The following LRMDA variants were observed in gnomAD, a reference collection of about 807,000 sequenced individuals.
LRMDA encodes the protein leucine-rich melanocyte differentiation-associated protein.
In LRMDA, 18 loss-of-function variants were observed where a neutral mutation model predicts 29.8. The ratio of observed to expected loss-of-function variants is 0.60; its 90% CI spans 0.42 to 0.90. The LOEUF (loss-of-function observed/expected upper bound fraction) is 0.90, where lower values mean the gene tolerates loss of function less well. Ranked by LOEUF, LRMDA falls within the 40% of genes least tolerant of loss-of-function variation. The pLI is 0.00. For synonymous variants in LRMDA, 125 were observed against 109.4 expected (o/e 1.14, Z -0.89); for missense variants, 273 against 273.9 (o/e 1.00, Z 0.02).
Position 75,559,788 on chromosome 10 carries a change from G to A in LRMDA, c.131+121294G>A, listed in dbSNP as rs1171788772. On this transcript the variant is annotated intron_variant, in intron 2 of 6. Coordinates refer to ENST00000611255, the MANE Select transcript of LRMDA (RefSeq NM_001305581.2). ...TTCCCAGCACCATTTATTAAATAGG[G>A]AATCGTTTCCCCATTTCTTGTTTTT... is the stretch of plus-strand genomic sequence containing the variant. 2.1e-5 allele frequency among the ~76,000 whole-genome samples: 2 copies of A among 95,978 alleles called. 1 individual carries two copies. The highest frequency in any genetic ancestry group is 5.4e-5 in the Non-Finnish European group (2 of 36,872). 63.0% of individuals were successfully genotyped at this position (95,978 alleles called of 152,430 possible).
intron 2 of LRMDA, among the ~76,000 whole-genome samples, chr10:75,814,103 C>T (rs2132274281): frequency 6.6e-6 from 1 of 152,340 alleles, no homozygotes; most frequent in South Asian, 2.1e-4. Flanking sequence ...ATGATTTATG[C>T]AGGAGGAAGA....
At chr10:75,586,547 A>G (rs1187537517) in intron 2 of LRMDA, among the ~76,000 whole-genome samples, 1 of 151,582 alleles carries the variant, frequency 6.6e-6, no homozygotes, top group African/African-American at 2.4e-5. Context: ...TTCTAGAGAT[A>G]GGGCTTCACC....
chr10:75,797,652 TTG>T (rs1332025635), intron 2 of LRMDA, among the ~76,000 whole-genome samples: 1 of 152,188 alleles, frequency 6.6e-6, no homozygotes, highest in East Asian at 1.9e-4. Context: ...ATATGTGGTG[TTG>T]TGTGTCTGGC....
At chr10:75,963,254 C>T (rs1846799258) in intron 2 of LRMDA, among the ~76,000 whole-genome samples, 1 of 152,198 alleles carries the variant, frequency 6.6e-6, no homozygotes, top group Admixed American at 6.5e-5. Context: ...ATCTGAGCCA[C>T]ACACTGGCCA....
intron 6 of LRMDA, among the ~76,000 whole-genome samples, chr10:76,350,063 T>G (rs1004676778): frequency 3.3e-5 from 5 of 151,882 alleles, no homozygotes; most frequent in Non-Finnish European, 7.4e-5. Flanking sequence ...AGCTTGAAAG[T>G]GCCAAACAAA....
chr10:75,825,929 A>G (rs1844240304), intron 2 of LRMDA, among the ~76,000 whole-genome samples: 1 of 152,192 alleles, frequency 6.6e-6, no homozygotes, highest in Non-Finnish European at 1.5e-5. Flanking sequence ...CAGCGGCTGC[A>G]TGTGGAACGT....
At chr10:75,576,866 A>G (rs1840512351) in intron 2 of LRMDA, among the ~76,000 whole-genome samples, 2 of 152,240 alleles carry the variant, frequency 1.3e-5, no homozygotes, top group Admixed American at 6.5e-5. Context: ...TGTCCACTCA[A>G]AGACCCCAGC....
intron 2 of LRMDA, among the ~76,000 whole-genome samples, chr10:75,534,814 T>C (rs1839927764): frequency 6.6e-6 from 1 of 152,202 alleles, no homozygotes; most frequent in South Asian, 2.1e-4. Flanking sequence ...GAAATAGATA[T>C]GATGTTTCTT....
chr10:76,471,972 A>C (rs1293374765), intron 6 of LRMDA, among the ~76,000 whole-genome samples: 1 of 151,830 alleles, frequency 6.6e-6, no homozygotes, highest in Non-Finnish European at 1.5e-5. Context: ...GCTTTCAACA[A>C]TAATAGTTGT....
intron 6 of LRMDA, among the ~76,000 whole-genome samples, chr10:76,549,097 T>G (rs1386292437): frequency 6.6e-6 from 1 of 152,174 alleles, no homozygotes; most frequent in African/African-American, 2.4e-5. Flanking sequence ...CTCTCTTTCC[T>G]TCCCCACCTC....
chr10:76,553,599 A>T (rs773713505), intron 6 of LRMDA, among the ~76,000 whole-genome samples: 2 of 152,202 alleles, frequency 1.3e-5, no homozygotes, highest in Non-Finnish European at 2.9e-5. Flanking sequence ...AATAACCTTC[A>T]TGATAAATAA....
At chr10:76,031,327 A>G (rs1056177299) in intron 2 of LRMDA, among the ~76,000 whole-genome samples, 1 of 152,198 alleles carries the variant, frequency 6.6e-6, no homozygotes, top group Non-Finnish European at 1.5e-5. Flanking sequence ...GATCTTAGCC[A>G]CATGGCCCCA....
intron 2 of LRMDA, among the ~76,000 whole-genome samples, chr10:75,843,704 T>C (rs1384300735): frequency 1.3e-5 from 2 of 152,228 alleles, no homozygotes; most frequent in Non-Finnish European, 2.9e-5. Context: ...GGGCAAGACA[T>C]GTGCTTGGCA....
intron 2 of LRMDA, among the ~76,000 whole-genome samples, chr10:75,892,031 C>A (rs1222046198): frequency 1.3e-5 from 2 of 152,114 alleles, no homozygotes; most frequent in Middle Eastern, 3.2e-3. Context: ...TGAATGAGAT[C>A]ACTTCATTCC....
intron 5 of LRMDA, among the ~76,000 whole-genome samples, chr10:76,139,691 C>A (rs577030054): frequency 6.6e-6 from 1 of 152,256 alleles, no homozygotes; most frequent in Admixed American, 6.5e-5. Context: ...TCTTCAGTTT[C>A]TTTTGAACTT....
At chr10:75,868,541 C>G (rs943497633) in intron 2 of LRMDA, among the ~76,000 whole-genome samples, 1 of 152,180 alleles carries the variant, frequency 6.6e-6, no homozygotes. Context: ...CTGATTGTTA[C>G]TAGTATTAAA....
At chr10:76,082,352 C>T (rs1849062583) in intron 5 of LRMDA, among the ~76,000 whole-genome samples, 1 of 152,092 alleles carries the variant, frequency 6.6e-6, no homozygotes, top group South Asian at 2.1e-4. Flanking sequence ...AGCTGTCCAA[C>T]ATGGCAAGGT....
intron 6 of LRMDA, among the ~76,000 whole-genome samples, chr10:76,355,250 G>C (rs1841225223): frequency 1.3e-5 from 2 of 152,144 alleles, no homozygotes; most frequent in Admixed American, 1.3e-4. Flanking sequence ...GCAACAGAGA[G>C]TCAGAAAAAT....
At chr10:76,163,156 G>C (rs1850678267) in intron 5 of LRMDA, among the ~76,000 whole-genome samples, 1 of 152,200 alleles carries the variant, frequency 6.6e-6, no homozygotes, top group African/African-American at 2.4e-5. Context: ...TCAAAGAAAA[G>C]ACAGTTGCAG....
Sources: gnomAD v4.1 joint callset for allele counts (sites outside exome capture counted in the v4.1 genomes callset) on GRCh38, gnomAD v4.1.1 for gene constraint, MANE v1.5 for transcripts, NCBI Gene and HGNC (gene_info 2026-07-23, HGNC 2026-07-21) for gene names.